The following RBFOX1 variants were observed in gnomAD, a reference collection of about 807,000 sequenced individuals.
RBFOX1 encodes RNA binding protein fox-1 homolog 1.
In RBFOX1, 8 loss-of-function variants were observed where a neutral mutation model predicts 57.7. The observed-to-expected ratio is 0.14, with a 90% CI of 0.08 to 0.25. The LOEUF (loss-of-function observed/expected upper bound fraction) is 0.25. Ranked by LOEUF, RBFOX1 falls within the 10% of genes least tolerant of loss-of-function variation. The pLI is 1.00. For synonymous variants in RBFOX1, 326 were observed against 222.4 expected, an observed-to-expected ratio of 1.47 and a Z score of -4.15; for missense variants, 611 against 548.5, an observed-to-expected ratio of 1.11 and a Z score of -1.14.
chr16:6,291,702 C>G (rs553494181), intron 1 of RBFOX1, among the ~76,000 whole-genome samples: 1 of 152,322 alleles, frequency 6.6e-6, no homozygotes, highest in South Asian at 2.1e-4. Context: ...CAGACAAAGG[C>G]ATAAATAATT....
intron 3 of RBFOX1, among the ~76,000 whole-genome samples, chr16:5,848,000 C>G (rs77758340): frequency 0.017 from 2,601 of 152,148 alleles, 70 homozygotes; most frequent in African/African-American, 0.059. Context: ...AGTGTAAACA[C>G]CCCCAGTAGT....
At chr16:7,353,600 T>C (rs1224553563) in intron 4 of RBFOX1, among the ~76,000 whole-genome samples, 1 of 152,198 alleles carries the variant, frequency 6.6e-6, no homozygotes, top group East Asian at 1.9e-4. Context: ...CGAGATGATA[T>C]AGCATACAAT....
chr16:6,537,715 C>T (rs1259849568), intron 2 of RBFOX1, among the ~76,000 whole-genome samples: 4 of 152,108 alleles, frequency 2.6e-5, no homozygotes, highest in Admixed American at 2.6e-4. Context: ...GTTCCTTAGG[C>T]CATTCCTTAA....
rs866165163 is a variant in RBFOX1, at chr16:6,256,257, G to A, written c.-126-60738G>A. On this transcript the variant is annotated intron_variant, in intron 1 of 15. Coordinates refer to ENST00000550418, the MANE Select transcript of RBFOX1 (RefSeq NM_018723.4). ...TGTGTATATATATATGTATATATAT[G>A]TGTATATATATATGTATATATATAT... is the stretch of plus-strand genomic sequence containing the variant. Among the ~76,000 whole-genome samples the A allele has an allele frequency of 6.6e-3, 649 of 98,768 alleles. 53 individuals carry two copies. Among genetic ancestry groups the A allele is most frequent in the African/African-American group, 0.02 (429 of 21,650 alleles). The allele number at this position is 98,768 out of a possible 152,430, so 64.8% of individuals were successfully genotyped here. A position where few individuals can be genotyped will look rare whatever the true frequency, so the allele number is the denominator to read the frequency against.
intron 2 of RBFOX1, among the ~76,000 whole-genome samples, chr16:5,506,546 C>G (rs1450715975): frequency 6.6e-6 from 1 of 152,198 alleles, no homozygotes; most frequent in African/African-American, 2.4e-5. Flanking sequence ...CAGCTGCCCA[C>G]ACACTGCTCT....
chr16:6,682,497 G>T (rs1257041121), intron 3 of RBFOX1, among the ~76,000 whole-genome samples: 1 of 152,170 alleles, frequency 6.6e-6, no homozygotes, highest in Admixed American at 6.5e-5. Context: ...TGGTTTTGTG[G>T]TGATGTAGAA....
chr16:7,252,728 C>T (rs866716366), intron 4 of RBFOX1, among the ~76,000 whole-genome samples: 13 of 150,846 alleles, frequency 8.6e-5, no homozygotes, highest in Admixed American at 1.3e-4. Context: ...AGTCACCCAA[C>T]GCTAAAGGTA....
At chr16:6,926,929 A>C (rs375038410) in intron 3 of RBFOX1, among the ~76,000 whole-genome samples, 10 of 152,116 alleles carry the variant, frequency 6.6e-5, no homozygotes, top group African/African-American at 2.2e-4. Context: ...TTTTGTTGTC[A>C]CTGCTGGAAT....
intron 4 of RBFOX1, among the ~76,000 whole-genome samples, chr16:7,351,365 A>G (rs2097127342): frequency 6.6e-6 from 1 of 152,272 alleles, no homozygotes; most frequent in African/African-American, 2.4e-5. Flanking sequence ...TTAGACATGT[A>G]TTAATCACCA....
intron 3 of RBFOX1, among the ~76,000 whole-genome samples, chr16:6,744,595 G>A (rs2073123913): frequency 6.6e-6 from 1 of 152,008 alleles, no homozygotes; most frequent in Admixed American, 6.6e-5. Flanking sequence ...TAAATAACCT[G>A]TGGATCGAAG....
intron 4 of RBFOX1, among the ~76,000 whole-genome samples, chr16:7,119,252 A>G (rs924357476): frequency 6.6e-6 from 1 of 152,096 alleles, no homozygotes; most frequent in Non-Finnish European, 1.5e-5. Context: ...GTGTCCATTC[A>G]CATATGCATG....
chr16:6,168,084 G>T (rs1390468026), intron 1 of RBFOX1, among the ~76,000 whole-genome samples: 1 of 152,134 alleles, frequency 6.6e-6, no homozygotes, highest in Non-Finnish European at 1.5e-5. Flanking sequence ...ATCTATTAAA[G>T]CTAGTCTAAC....
chr16:6,228,050 C>T (rs549980121), intron 1 of RBFOX1, among the ~76,000 whole-genome samples: 5 of 152,274 alleles, frequency 3.3e-5, no homozygotes, highest in African/African-American at 1.2e-4. Context: ...GTGGCTCACA[C>T]CTATAATCCC....
At chr16:6,803,925 G>C (rs1162786328) in intron 3 of RBFOX1, among the ~76,000 whole-genome samples, 2 of 151,696 alleles carry the variant, frequency 1.3e-5, no homozygotes, top group Non-Finnish European at 2.9e-5. Flanking sequence ...TTGTAGATCT[G>C]GCATCTTGTT....
chr16:7,651,286 G>A (rs911073487), intron 11 of RBFOX1, among the ~76,000 whole-genome samples: 1 of 152,104 alleles, frequency 6.6e-6, no homozygotes, highest in African/African-American at 2.4e-5. Context: ...TTTTATTTGG[G>A]CCCTTAAAAT....
chr16:7,121,625 C>G (rs1354194672), intron 4 of RBFOX1, among the ~76,000 whole-genome samples: 1 of 151,844 alleles, frequency 6.6e-6, no homozygotes, highest in Non-Finnish European at 1.5e-5. Context: ...TAATTCTGTA[C>G]AAATTGGTGT....
chr16:5,574,841 G>T (rs955794781), intron 2 of RBFOX1, among the ~76,000 whole-genome samples: 1 of 152,196 alleles, frequency 6.6e-6, no homozygotes, highest in Non-Finnish European at 1.5e-5. Context: ...TGCAAGAAAG[G>T]CTTGGCTCCA....
At chr16:5,944,696 T>C (rs2059356333) in intron 4 of RBFOX1, among the ~76,000 whole-genome samples, 1 of 149,532 alleles carries the variant, frequency 6.7e-6, no homozygotes, top group Non-Finnish European at 1.5e-5. Context: ...GGCTCACGCC[T>C]GTAATCCCAG....
At chr16:6,947,724 G>A (rs958123888) in intron 3 of RBFOX1, among the ~76,000 whole-genome samples, 4 of 152,126 alleles carry the variant, frequency 2.6e-5, no homozygotes, top group East Asian at 1.9e-4. Flanking sequence ...ATTTATAAAC[G>A]TTTACTTAGG....
Sources: allele counts gnomAD v4.1 joint callset (sites outside exome capture counted in the v4.1 genomes callset), GRCh38; gene constraint gnomAD v4.1.1; transcripts MANE v1.5; gene names NCBI Gene and HGNC (gene_info 2026-07-23, HGNC 2026-07-21).